Variants in CSMD1 observed in about 807,000 individuals in gnomAD.
CSMD1 encodes the protein CUB and sushi domain-containing protein 1.
Under a neutral mutation model 417.5 loss-of-function variants are expected in CSMD1, and 213 were observed. The observed-to-expected ratio is 0.51, with a 90% CI of 0.46 to 0.57. The LOEUF (loss-of-function observed/expected upper bound fraction) is 0.57. Ranked by LOEUF, CSMD1 falls within the 20% of genes least tolerant of loss-of-function variation. CSMD1 has a pLI of 0.00. For synonymous variants in CSMD1, 2,862 were observed against 1,736.8 expected (o/e 1.65, Z -16.11); for missense variants, 6,923 against 4,529.7 (o/e 1.53, Z -15.17).
chr8:3,366,194 T>C (rs1809556176), intron 20 of CSMD1, among the ~76,000 whole-genome samples: 1 of 152,184 alleles, frequency 6.6e-6, no homozygotes, highest in Non-Finnish European at 1.5e-5. Flanking sequence ...AATATGATTG[T>C]TCCCATCCTT....
chr8:4,760,361 G>A lies in CSMD1; in HGVS notation c.86-122803C>T, dbSNP rs533405375. On this transcript the variant is annotated intron_variant, in intron 1 of 69. Transcript: ENST00000635120. ...AGTGAAATCAACATGAAGGTGAATC[G>A]AGGACATGTCTGCTGCACAAATGAG... 5.9e-5 allele frequency among the ~76,000 whole-genome samples: 9 copies of A among 152,060 alleles called. No homozygotes were observed. In the South Asian group the frequency reaches 6.2e-4, roughly 11 times the overall value.
intron 5 of CSMD1, among the ~76,000 whole-genome samples, chr8:3,756,991 G>T (rs75830515): frequency 0.033 from 5,038 of 152,080 alleles, 202 homozygotes; most frequent in East Asian, 0.14. Context: ...TGTAGAGACT[G>T]GGGGTCTCAC....
At chr8:4,530,835 G>A (rs986264132) in intron 2 of CSMD1, among the ~76,000 whole-genome samples, 5 of 151,760 alleles carry the variant, frequency 3.3e-5, no homozygotes, top group African/African-American at 2.4e-5. Context: ...TATAGGCAGC[G>A]CTTTCTTTTC....
At chr8:3,430,780 C>G (rs1387579621) in intron 12 of CSMD1, among the ~76,000 whole-genome samples, 5 of 152,082 alleles carry the variant, frequency 3.3e-5, no homozygotes, top group African/African-American at 1.2e-4. Context: ...GAACTGCAGC[C>G]TGGGTAACAG....
At chr8:4,132,696 G>A (rs938354229) in intron 3 of CSMD1, among the ~76,000 whole-genome samples, 3 of 152,206 alleles carry the variant, frequency 2.0e-5, no homozygotes, top group African/African-American at 7.2e-5. Context: ...ACTCAATGTG[G>A]GGCTTCCACG....
At chr8:3,432,025 T>A (rs1452048236) in intron 12 of CSMD1, among the ~76,000 whole-genome samples, 2 of 152,208 alleles carry the variant, frequency 1.3e-5, no homozygotes, top group Non-Finnish European at 2.9e-5. Flanking sequence ...TTCCATGTTC[T>A]GCTAAATTTT....
intron 5 of CSMD1, among the ~76,000 whole-genome samples, chr8:3,969,884 G>A (rs977319394): frequency 6.6e-6 from 1 of 152,114 alleles, no homozygotes; most frequent in Non-Finnish European, 1.5e-5. Context: ...AGAAAGCAAA[G>A]CTCTGGATAA....
intron 7 of CSMD1, among the ~76,000 whole-genome samples, chr8:3,653,374 T>C (rs1335530405): frequency 6.6e-6 from 1 of 152,170 alleles, no homozygotes; most frequent in African/African-American, 2.4e-5. Context: ...AGAGGCATGA[T>C]CTCGGCTCAT....
chr8:3,341,711 G>C (rs12549126), intron 23 of CSMD1, among the ~76,000 whole-genome samples: 56,786 of 152,034 alleles, frequency 0.37, 11,148 homozygotes, highest in Admixed American at 0.46. Flanking sequence ...AATGTGTTCA[G>C]TGGCAAGAGA....
chr8:4,072,522 A>C (rs1207170603), intron 3 of CSMD1, among the ~76,000 whole-genome samples: 1 of 152,174 alleles, frequency 6.6e-6, no homozygotes, highest in Admixed American at 6.5e-5. Context: ...GAAAGCTCTA[A>C]ACAGGAATCA....
chr8:4,204,184 T>C (rs531153174), intron 3 of CSMD1, among the ~76,000 whole-genome samples: 1 of 152,236 alleles, frequency 6.6e-6, no homozygotes, highest in Admixed American at 6.5e-5. Context: ...TGTGGTGCTG[T>C]GTGCCTGAGA....
chr8:3,682,803 C>A (rs1799732490), intron 7 of CSMD1, among the ~76,000 whole-genome samples: 1 of 152,164 alleles, frequency 6.6e-6, no homozygotes, highest in South Asian at 2.1e-4. Flanking sequence ...AAATGTCCAA[C>A]AATGACAGAT....
intron 1 of CSMD1, among the ~76,000 whole-genome samples, chr8:4,644,041 T>C (rs7001148): frequency 0.058 from 8,849 of 152,148 alleles, 335 homozygotes; most frequent in South Asian, 0.12. Context: ...AGAAGAAAAG[T>C]AAAAATGCCA....
intron 26 of CSMD1, among the ~76,000 whole-genome samples, chr8:3,260,362 G>T (rs12541763): frequency 0.071 from 10,851 of 151,804 alleles, 522 homozygotes; most frequent in Non-Finnish European, 0.11. Context: ...GTTTTGTGTC[G>T]GGTGCCTCCG....
chr8:3,551,605 T>A (rs1428323317), intron 10 of CSMD1, among the ~76,000 whole-genome samples: 12 of 143,832 alleles, frequency 8.3e-5, no homozygotes, highest in African/African-American at 2.9e-4. Context: ...TATTTTTTTT[T>A]TTTTTTTTTC....
intron 1 of CSMD1, among the ~76,000 whole-genome samples, chr8:4,698,678 AG>A (rs1321320945): frequency 6.6e-6 from 1 of 151,534 alleles, no homozygotes; most frequent in African/African-American, 2.4e-5. Flanking sequence ...AGAAGGAAGA[AG>A]CCCTCCTCCC....
chr8:3,420,021 C>A (rs757978198), intron 12 of CSMD1, among the ~76,000 whole-genome samples: 14 of 152,062 alleles, frequency 9.2e-5, no homozygotes, highest in Non-Finnish European at 1.3e-4. Flanking sequence ...CATGAGAAGC[C>A]AATGCACAGT....
At chr8:3,360,171 T>C (rs935911391) in intron 20 of CSMD1, among the ~76,000 whole-genome samples, 4 of 152,144 alleles carry the variant, frequency 2.6e-5, no homozygotes, top group Admixed American at 6.5e-5. Context: ...GTAAACCATG[T>C]GAGATTGAAA....
At chr8:4,281,345 G>A (rs947491562) in intron 3 of CSMD1, among the ~76,000 whole-genome samples, 1 of 152,224 alleles carries the variant, frequency 6.6e-6, no homozygotes, top group Non-Finnish European at 1.5e-5. Context: ...GGCCCACAGA[G>A]TAAGATGACG....
Sources: gnomAD v4.1 joint callset for allele counts (sites outside exome capture counted in the v4.1 genomes callset) on GRCh38, gnomAD v4.1.1 for gene constraint, MANE v1.5 for transcripts, NCBI Gene and HGNC (gene_info 2026-07-23, HGNC 2026-07-21) for gene names.